LRRC2: variants seen among roughly 807,000 people sequenced by gnomAD.
LRRC2 encodes the protein leucine rich repeat containing 2, also known as leucine-rich repeat-containing protein 2.
LRRC2 carries 27 observed loss-of-function variants against 40.2 expected under a neutral mutation model. The observed-to-expected ratio is 0.67, with a 90% CI of 0.49 to 0.93. LRRC2 has a LOEUF of 0.93. Ranked by LOEUF, LRRC2 falls within the 40% of genes least tolerant of loss-of-function variation. The pLI, the probability that LRRC2 is intolerant of heterozygous loss-of-function variation, is 0.00. For missense variants in LRRC2, 402 were observed against 439.6 expected, an observed-to-expected ratio of 0.91 and a Z score of 0.76; for synonymous variants, 147 against 158.9, an observed-to-expected ratio of 0.92 and a Z score of 0.56.
intron 1 of LRRC2, among the ~76,000 whole-genome samples, chr3:46,559,853 T>C (rs926981835): frequency 6.6e-6 from 1 of 152,222 alleles, no homozygotes; most frequent in African/African-American, 2.4e-5. Flanking sequence ...ATTTTCCCTG[T>C]GTTTTTAAAA....
At chr3:46,535,865 T>G (rs958367524) in intron 4 of LRRC2, among the ~76,000 whole-genome samples, 42 of 152,192 alleles carry the variant, frequency 2.8e-4, no homozygotes, top group African/African-American at 9.9e-4. Flanking sequence ...CTACTCTAAA[T>G]GCTTTCTATG....
chr3:46,542,939 G>C (rs1313433893), intron 3 of LRRC2, among the ~76,000 whole-genome samples: 1 of 152,152 alleles, frequency 6.6e-6, no homozygotes, highest in African/African-American at 2.4e-5. Flanking sequence ...CTTCCCTCCT[G>C]ACCTCTTGCA....
At position 46,545,349 on chromosome 3, in the gene LRRC2, T is replaced by A. The variant is rs1704503333; in HGVS notation, c.126-96A>T. On this transcript the variant is annotated intron_variant, in intron 2 of 8. Transcript: ENST00000395905. ...AGCCACCTGGGCATAGGTGCTCTCC[T>A]TGTCATTCCCAGGCCTACGTAAGCA... The A allele has an allele frequency of 3.8e-6, 4 of 1,039,130 alleles. No homozygotes were observed. In the East Asian group the frequency reaches 1.0e-4, roughly 27 times the overall value. The allele number at this position is 1,039,130 out of a possible 1,614,324, so 64.4% of individuals were successfully genotyped here.
intron 1 of LRRC2, among the ~76,000 whole-genome samples, chr3:46,564,812 G>A (rs1267557003): frequency 6.6e-6 from 1 of 152,174 alleles, no homozygotes; most frequent in Non-Finnish European, 1.5e-5. Context: ...TTCCAGGCGT[G>A]TCATCAATGT....
At chr3:46,538,725 T>C (rs1704318430) in intron 4 of LRRC2, among the ~76,000 whole-genome samples, 1 of 152,244 alleles carries the variant, frequency 6.6e-6, no homozygotes, top group African/African-American at 2.4e-5. Flanking sequence ...CTAATAAGCA[T>C]ACTGCACGTT....
chr3:46,534,867 A>G (rs578068631), intron 4 of LRRC2, among the ~76,000 whole-genome samples: 3 of 152,320 alleles, frequency 2.0e-5, no homozygotes, highest in South Asian at 2.1e-4. Context: ...CAGCTGCTCA[A>G]CATAAAAGAG....
At chr3:46,544,739 C>CTTAA (rs1559416176) in intron 3 of LRRC2, among the ~76,000 whole-genome samples, 13 of 152,186 alleles carry the variant, frequency 8.5e-5, no homozygotes, top group African/African-American at 3.1e-4. Flanking sequence ...ATGAAAGGCG[C>CTTAA]CGTCACTTAA....
chr3:46,527,318 A>G (rs1704077072), intron 7 of LRRC2, 108 bp downstream of exon 7: 1 of 1,163,746 alleles, frequency 8.6e-7, no homozygotes, highest in African/African-American at 1.5e-5. Context: ...AGGTTCTCAG[A>G]GTACGAGAGC....
At chr3:46,531,975 T>C (rs1472554344) in intron 5 of LRRC2, among the ~76,000 whole-genome samples, 1 of 152,220 alleles carries the variant, frequency 6.6e-6, no homozygotes, top group Non-Finnish European at 1.5e-5. Flanking sequence ...TGCTCCACTT[T>C]ATCAGAAAAT....
Position 46,546,225 on chromosome 3 carries a change from A to G in LRRC2, c.126-972T>C, listed in dbSNP as rs111943392. On this transcript the variant is annotated intron_variant, in intron 2 of 8. Transcript: ENST00000395905. ...TATATACACTAAATAAGTGTGAGAT[A>G]AGCCCCATGGTCAAGGAACAATCCT... 3.4e-3 allele frequency among the ~76,000 whole-genome samples: 525 copies of G among 152,342 alleles called. 1 individual carries two copies. The highest frequency in any genetic ancestry group is 0.012 in the African/African-American group (505 of 41,578).
intron 2 of LRRC2, among the ~76,000 whole-genome samples, chr3:46,550,470 G>A (rs1704619879): frequency 7.2e-6 from 1 of 138,384 alleles, no homozygotes; most frequent in South Asian, 2.2e-4. Context: ...TGCAAGCTCT[G>A]CCTCCCGGGT....
intron 4 of LRRC2, among the ~76,000 whole-genome samples, chr3:46,536,742 C>T (rs1221545313): frequency 6.6e-6 from 1 of 152,056 alleles, no homozygotes; most frequent in Non-Finnish European, 1.5e-5. Flanking sequence ...AAGGTGTAGC[C>T]AGGGTGAAAA....
At chr3:46,544,220 T>C (rs955936466) in intron 3 of LRRC2, among the ~76,000 whole-genome samples, 16 of 151,916 alleles carry the variant, frequency 1.1e-4, no homozygotes, top group African/African-American at 3.9e-4. Flanking sequence ...ACCCCGCCTC[T>C]AGGAAAAAAA....
rs1704842560 is a variant in LRRC2, at chr3:46,557,794, C to T, written c.-19-6184G>A. The T allele has an allele frequency of 2.0e-5, 3 of 152,190 alleles. No individual in the cohort carries two copies. In the South Asian group the frequency reaches 6.2e-4, roughly 32 times the overall value. 9.4% of individuals were successfully genotyped at this position (152,190 alleles called of 1,614,324 possible). A position where few individuals can be genotyped will look rare whatever the true frequency, so the allele number is the denominator to read the frequency against. On this transcript the variant is annotated intron_variant, in intron 1 of 8. Transcript: ENST00000395905. ...GTTGCTGGGTAACTAATAGGAGAAC[C>T]CCTCAAGTGCAGGTAGGGATGGCCA... is the stretch of plus-strand genomic sequence containing the variant.
chr3:46,520,157 T>A (rs1703940460), intron 8 of LRRC2, among the ~76,000 whole-genome samples: 1 of 148,542 alleles, frequency 6.7e-6, no homozygotes, highest in East Asian at 1.9e-4. Context: ...AAAATTAATA[T>A]TAAATAATAT....
intron 7 of LRRC2, among the ~76,000 whole-genome samples, chr3:46,525,989 T>C (rs1704054573): frequency 6.6e-6 from 1 of 151,988 alleles, no homozygotes; most frequent in South Asian, 2.1e-4. Context: ...AGTCTAGCTC[T>C]GTCGCCAGGC....
chr3:46,551,175 G>C (rs1212048351), intron 2 of LRRC2: 1 of 212,984 alleles, frequency 4.7e-6, no homozygotes, highest in Non-Finnish European at 9.2e-6. Flanking sequence ...GTGAACTCTA[G>C]CTAGGCAGCC....
chr3:46,523,445 G>A (rs547646748), intron 7 of LRRC2, among the ~76,000 whole-genome samples: 34 of 151,886 alleles, frequency 2.2e-4, no homozygotes, highest in Non-Finnish European at 4.6e-4. Flanking sequence ...ATCAAGTGGT[G>A]GTATTTCTCC....
At chr3:46,562,996 G>T (rs760671513) in intron 1 of LRRC2, among the ~76,000 whole-genome samples, 9 of 152,098 alleles carry the variant, frequency 5.9e-5, no homozygotes, top group African/African-American at 9.7e-5. Context: ...AAAGTGCTGA[G>T]ATTACAGGTA....
Sources: gnomAD v4.1 joint callset for allele counts (sites outside exome capture counted in the v4.1 genomes callset) on GRCh38, gnomAD v4.1.1 for gene constraint, MANE v1.5 for transcripts, NCBI Gene and HGNC (gene_info 2026-07-23, HGNC 2026-07-21) for gene names.